The following TBC1D30 variants were observed in gnomAD, a reference collection of about 807,000 sequenced individuals.
The protein encoded by TBC1D30 is TBC1 domain family, member 30.
TBC1D30 carries 31 observed loss-of-function variants against 63.2 expected under a neutral mutation model. The ratio of observed to expected loss-of-function variants is 0.49; its 90% CI spans 0.37 to 0.66. The LOEUF is 0.66. Ranked by LOEUF, TBC1D30 falls within the 30% of genes least tolerant of loss-of-function variation. The pLI, the probability that TBC1D30 is intolerant of heterozygous loss-of-function variation, is 0.00. For missense variants in TBC1D30, 810 were observed against 953.6 expected, an observed-to-expected ratio of 0.85 and a Z score of 1.98; for synonymous variants, 307 against 361.5, an observed-to-expected ratio of 0.85 and a Z score of 1.71.
chr12:64,871,688 A>G (rs1375999428), intron 11 of TBC1D30, among the ~76,000 whole-genome samples: 3 of 152,244 alleles, frequency 2.0e-5, no homozygotes, highest in East Asian at 1.9e-4. Flanking sequence ...ATTGGCACAT[A>G]CATTTCCTCA....
chr12:64,833,191 C>G (rs1875025813), intron 5 of TBC1D30, among the ~76,000 whole-genome samples: 1 of 152,144 alleles, frequency 6.6e-6, no homozygotes, highest in African/African-American at 2.4e-5. Flanking sequence ...GAGTGAGTGT[C>G]TAAGGAAGGT....
In TBC1D30 at chr12:64,761,195, T is replaced by C. The variant is rs142617083; in HGVS notation, c.-376+1546T>C. On this transcript the variant is annotated intron_variant, in intron 1 of 13. Coordinates refer to the TBC1D30 transcript ENST00000674237. Reference sequence around the variant, plus strand: ...GGTTTCAAGACTTCCAGGAAGACTTTCTTGCACAAAAAAATAACCTATTTC... The same window carrying C: ...GGTTTCAAGACTTCCAGGAAGACTTCCTTGCACAAAAAAATAACCTATTTC... 2.0e-5 allele frequency among the ~76,000 whole-genome samples: 3 copies of C among 152,338 alleles called. No homozygotes were observed. The East Asian group carries it at 5.8e-4, about 29-fold the overall frequency.
intron 7 of TBC1D30, among the ~76,000 whole-genome samples, chr12:64,842,817 G>A (rs932481758): frequency 2.6e-5 from 4 of 151,152 alleles, no homozygotes; most frequent in Non-Finnish European, 5.9e-5. Flanking sequence ...TCCCATGGAA[G>A]CAATAAAGAT....
upstream of TBC1D30, among the ~76,000 whole-genome samples, chr12:64,780,065 C>T (rs546437147): frequency 6.6e-6 from 1 of 152,312 alleles, no homozygotes; most frequent in Admixed American, 6.5e-5. Flanking sequence ...TCAGTTCGGT[C>T]ATCTCAAGAA....
intron 8 of TBC1D30, among the ~76,000 whole-genome samples, chr12:64,854,537 C>T (rs1233991583): frequency 6.6e-6 from 1 of 150,530 alleles, no homozygotes; most frequent in Non-Finnish European, 1.5e-5. Context: ...CTCTGTCACC[C>T]AGGCTGGAAT....
chr12:64,799,638 A>C (rs1283283855), intron 2 of TBC1D30, among the ~76,000 whole-genome samples: 2 of 152,242 alleles, frequency 1.3e-5, no homozygotes, highest in African/African-American at 4.8e-5. Flanking sequence ...AATAACATGC[A>C]AGAAGAGTGC....
chr12:64,846,374 G>A (rs1018942103), intron 8 of TBC1D30, among the ~76,000 whole-genome samples: 6 of 150,500 alleles, frequency 4.0e-5, no homozygotes, highest in Non-Finnish European at 8.9e-5. Flanking sequence ...ATTGATTTTT[G>A]TATATGGCAA....
intron 2 of TBC1D30, among the ~76,000 whole-genome samples, chr12:64,791,279 G>A (rs7959591): frequency 0.69 from 105,050 of 152,050 alleles, 37,762 homozygotes; most frequent in African/African-American, 0.9. Flanking sequence ...GGAATGGGCA[G>A]TGACTACTAA....
At chr12:64,860,641 T>C (rs1295916244) in intron 8 of TBC1D30, among the ~76,000 whole-genome samples, 1 of 152,158 alleles carries the variant, frequency 6.6e-6, no homozygotes, top group African/African-American at 2.4e-5. Flanking sequence ...CAGGAGTGTA[T>C]GAAAATGCAG....
chr12:64,782,419 T>C (rs1353045427), intron 1 of TBC1D30, among the ~76,000 whole-genome samples: 1 of 151,988 alleles, frequency 6.6e-6, no homozygotes, highest in East Asian at 1.9e-4. Context: ...AGCTGATTGT[T>C]ACAGATAGCT....
chr12:64,762,757 G>C (rs931237027), intron 1 of TBC1D30, among the ~76,000 whole-genome samples: 2 of 151,916 alleles, frequency 1.3e-5, no homozygotes, highest in African/African-American at 4.8e-5. Flanking sequence ...TATGATGTTA[G>C]TTTATAATAT....
chr12:64,864,355 G>A (rs1878037793), intron 8 of TBC1D30, among the ~76,000 whole-genome samples: 1 of 152,206 alleles, frequency 6.6e-6, no homozygotes, highest in Non-Finnish European at 1.5e-5. Flanking sequence ...ATAGGGAGCT[G>A]TGGATTTCTG....
rs985355059 is a variant in TBC1D30, at chr12:64,824,832, G to C, written c.-48G>C. On this transcript the variant is annotated 5_prime_UTR_variant, in exon 1 of 12. Coordinates refer to ENST00000539867, the MANE Select transcript of TBC1D30 (RefSeq NM_015279.2). Reference sequence around the variant, plus strand: ...TCAGCCGCTCAGCGAGTGGGGTAGCGGGGACCGAGACGGACGGTAGCCGTG... The same window carrying C: ...TCAGCCGCTCAGCGAGTGGGGTAGCCGGGACCGAGACGGACGGTAGCCGTG... 2.6e-6 allele frequency: 4 copies of C among 1,522,384 alleles called. No homozygotes were observed. Among genetic ancestry groups the C allele is most frequent in the Middle Eastern group, 2.3e-4 (1 of 4,368 alleles). 94.3% of individuals were successfully genotyped at this position (1,522,384 alleles called of 1,614,324 possible).
At chr12:64,762,528 A>G (rs952454214) in intron 1 of TBC1D30, among the ~76,000 whole-genome samples, 1 of 152,214 alleles carries the variant, frequency 6.6e-6, no homozygotes, top group African/African-American at 2.4e-5. Context: ...CTCCTTAAGA[A>G]AAAGAATAAC....
intron 2 of TBC1D30, among the ~76,000 whole-genome samples, chr12:64,800,530 T>G (rs1872540462): frequency 6.6e-6 from 1 of 152,076 alleles, no homozygotes; most frequent in Admixed American, 6.6e-5. Context: ...GGAGGGAGAT[T>G]CAGTGGGACT....
At chr12:64,781,502 G>A (rs1871286389) in intron 1 of TBC1D30, among the ~76,000 whole-genome samples, 1 of 152,164 alleles carries the variant, frequency 6.6e-6, no homozygotes, top group Non-Finnish European at 1.5e-5. Flanking sequence ...AGTTGATGGA[G>A]TGGGCAGTTT....
At chr12:64,785,970 G>T in exon 2 of TBC1D30, 3 of 1,289,856 alleles carry the variant, frequency 2.3e-6, no homozygotes, top group Non-Finnish European at 3.0e-6. Flanking sequence ...GAAGCAGAAA[G>T]ATAGGCTTCT....
At chr12:64,796,469 A>G (rs1872279365) in intron 2 of TBC1D30, among the ~76,000 whole-genome samples, 1 of 152,088 alleles carries the variant, frequency 6.6e-6, no homozygotes, top group Admixed American at 6.6e-5. Context: ...GAAGTATTAT[A>G]CTATTTATGT....
intron 1 of TBC1D30, among the ~76,000 whole-genome samples, chr12:64,759,844 G>C (rs1334667486): frequency 6.6e-6 from 1 of 152,172 alleles, no homozygotes; most frequent in East Asian, 1.9e-4. Context: ...TGAGGAAAGT[G>C]GACTCTACCA....
Sources: gnomAD v4.1 joint callset for allele counts (sites outside exome capture counted in the v4.1 genomes callset) on GRCh38, gnomAD v4.1.1 for gene constraint, MANE v1.5 for transcripts, NCBI Gene and HGNC (gene_info 2026-07-23, HGNC 2026-07-21) for gene names.